Variants in ANO1 observed in about 807,000 individuals in gnomAD.
ANO1 encodes anoctamin 1.
In ANO1, 59 loss-of-function variants were observed where a neutral mutation model predicts 124.0. The ratio of observed to expected loss-of-function variants is 0.48; its 90% CI spans 0.39 to 0.59. The LOEUF (loss-of-function observed/expected upper bound fraction) is 0.59. Among genes scored for constraint, ANO1 ranks in the 20% least tolerant of loss-of-function variants. The pLI, the probability that ANO1 is intolerant of heterozygous loss-of-function variation, is 0.00. For missense variants in ANO1, 1,059 were observed against 1,328.0 expected, an observed-to-expected ratio of 0.80 and a Z score of 3.15; for synonymous variants, 529 against 532.0, an observed-to-expected ratio of 0.99 and a Z score of 0.08.
At chr11:70,111,902 A>G in intron 7 of ANO1, 140 bp downstream of exon 7, 1 of 866,752 alleles carries the variant, frequency 1.2e-6, no homozygotes, top group South Asian at 1.6e-5. Context: ...AACTGTACAC[A>G]GGCCTTCCCT....
chr11:70,114,335 G>A (rs1271892672), intron 7 of ANO1, among the ~76,000 whole-genome samples: 3 of 152,216 alleles, frequency 2.0e-5, no homozygotes, highest in East Asian at 3.9e-4. Flanking sequence ...ACTGAAGGGC[G>A]CCCGTGCTGC....
chr11:70,158,153 G>T (rs188332922), intron 16 of ANO1, among the ~76,000 whole-genome samples: 8 of 152,264 alleles, frequency 5.3e-5, no homozygotes, highest in Admixed American at 1.3e-4. Context: ...TGCTACTCAG[G>T]GACCACAAGT....
At chr11:70,140,526 T>C (rs1223345078) in intron 11 of ANO1, among the ~76,000 whole-genome samples, 1 of 151,008 alleles carries the variant, frequency 6.6e-6, no homozygotes, top group Non-Finnish European at 1.5e-5. Context: ...AGCAAGACTC[T>C]GTCTCAAGGA....
chr11:70,182,384 C>T, intron 23 of ANO1, 118 bp from the exon 24 acceptor site: 1 of 838,998 alleles, frequency 1.2e-6, no homozygotes, highest in South Asian at 2.5e-5. Context: ...TGGTCCCCGC[C>T]AGAGGCAGTG....
chr11:70,022,763 G>A (rs147031379), intron 1 of ANO1, among the ~76,000 whole-genome samples: 38 of 152,278 alleles, frequency 2.5e-4, no homozygotes, highest in South Asian at 6.2e-4. Context: ...CCCAGAACCC[G>A]TGAATCTCTT....
intron 10 of ANO1, among the ~76,000 whole-genome samples, chr11:70,131,690 C>T (rs1343821954): frequency 6.6e-6 from 1 of 152,198 alleles, no homozygotes; most frequent in Non-Finnish European, 1.5e-5. Flanking sequence ...CTGCTGAGCT[C>T]AGGGCTGGTG....
At chr11:69,970,154 A>T in the ANO1 span, among the ~76,000 whole-genome samples, 1 of 152,086 alleles carries the variant, frequency 6.6e-6, no homozygotes, top group South Asian at 2.1e-4. Context: ...GGAAGAGAGG[A>T]AGGGGAGGGC....
At chr11:70,185,375 T>C (rs1203732878) in intron 24 of ANO1, among the ~76,000 whole-genome samples, 1 of 152,174 alleles carries the variant, frequency 6.6e-6, no homozygotes, top group Admixed American at 6.5e-5. Flanking sequence ...AGGTCCTGCC[T>C]GGCCCATGGG....
intron 8 of ANO1, among the ~76,000 whole-genome samples, chr11:70,121,412 T>C (rs1272844228): frequency 7.1e-6 from 1 of 141,420 alleles, no homozygotes; most frequent in East Asian, 2.3e-4. Flanking sequence ...TCTCTCCCTG[T>C]CTCCCCCACC....
chr11:70,175,963 A>G (rs2048676801), intron 22 of ANO1, among the ~76,000 whole-genome samples: 1 of 152,212 alleles, frequency 6.6e-6, no homozygotes, highest in Admixed American at 6.5e-5. Flanking sequence ...CTGAGCCATG[A>G]GTGACCATGG....
At chr11:70,177,047 A>G (rs2048729744) in intron 22 of ANO1, among the ~76,000 whole-genome samples, 1 of 152,140 alleles carries the variant, frequency 6.6e-6, no homozygotes, top group Non-Finnish European at 1.5e-5. Context: ...GGAAGCGAGG[A>G]AGACCCCGCT....
At chr11:69,981,857 T>C (rs948570487), upstream of ANO1, among the ~76,000 whole-genome samples, 1 of 152,146 alleles carries the variant, frequency 6.6e-6, no homozygotes, top group African/African-American at 2.4e-5. Flanking sequence ...TATTCAGCCA[T>C]AAAAAGAAAT....
At chr11:70,071,676 T>G (rs1293704303) in intron 1 of ANO1, among the ~76,000 whole-genome samples, 1 of 152,146 alleles carries the variant, frequency 6.6e-6, no homozygotes, top group Non-Finnish European at 1.5e-5. Flanking sequence ...CAGGCTGAAG[T>G]GCATTGGTGC....
Position 70,170,871 on chromosome 11 carries a change from T to G in ANO1, c.2198-16T>G, listed in dbSNP as rs2048441442. 6.2e-7 allele frequency: 1 copy of G among 1,611,794 alleles called. No homozygotes were observed. Among genetic ancestry groups the G allele is most frequent in the Non-Finnish European group, 8.5e-7 (1 of 1,179,086 alleles). ...TGGCTCACGGGGTGCTGACTAGCAC[T>G]GGGCTCTCTCTGCAGTCATCCAGTT... On this transcript the variant is annotated splice_polypyrimidine_tract_variant and intron_variant, in intron 21 of 25. Transcript: ENST00000355303.
intron 1 of ANO1, among the ~76,000 whole-genome samples, chr11:70,033,116 C>T (rs1394967207): frequency 6.6e-6 from 1 of 152,112 alleles, no homozygotes; most frequent in Admixed American, 6.5e-5. Context: ...GACAAGAGCT[C>T]GGTGATGTAG....
intron 6 of ANO1, 31 bp downstream of exon 6, chr11:70,108,435 A>G (rs1050584686): frequency 1.2e-6 from 2 of 1,606,160 alleles, no homozygotes; most frequent in Admixed American, 1.7e-5. Flanking sequence ...TGAGATCAGC[A>G]TTGGTTTCCA....
chr11:70,036,715 C>G (rs1472709050), intron 1 of ANO1, among the ~76,000 whole-genome samples: 1 of 152,236 alleles, frequency 6.6e-6, no homozygotes, highest in African/African-American at 2.4e-5. Flanking sequence ...TCATGCCATT[C>G]TCCTGCCTCA....
chr11:70,049,722 TTTGTTTTTG>T (rs1857322555), intron 1 of ANO1, among the ~76,000 whole-genome samples: 1 of 151,072 alleles, frequency 6.6e-6, no homozygotes, highest in Admixed American at 6.7e-5. Context: ...GTTTGTTTGT[TTTGTTTTTG>T]TTTTTTTGAG....
At chr11:70,169,815 A>C in intron 21 of ANO1, 1 of 218,622 alleles carries the variant, frequency 4.6e-6, no homozygotes, top group Non-Finnish European at 9.4e-6. Flanking sequence ...CCACATGCTA[A>C]CAATGCCCAC....
Sources: gnomAD v4.1 joint callset for allele counts (sites outside exome capture counted in the v4.1 genomes callset) on GRCh38, gnomAD v4.1.1 for gene constraint, MANE v1.5 for transcripts, NCBI Gene and HGNC (gene_info 2026-07-23, HGNC 2026-07-21) for gene names.